Variants in NYAP2 observed in about 807,000 individuals in gnomAD.
NYAP2 encodes neuronal tyrosine-phosphorylated phosphoinositide-3-kinase adapter 2.
NYAP2 carries 23 observed loss-of-function variants against 50.4 expected under a neutral mutation model. The ratio of observed to expected loss-of-function variants is 0.46; its 90% CI spans 0.33 to 0.65. The LOEUF (loss-of-function observed/expected upper bound fraction) is 0.65. Among genes scored for constraint, NYAP2 ranks in the 30% least tolerant of loss-of-function variants. The probability of loss-of-function intolerance (pLI) is 0.02; values close to 1 mark genes in which losing one functional copy is unlikely to be tolerated. For missense variants in NYAP2, 885 were observed against 861.0 expected (o/e 1.03, Z -0.35); for synonymous variants, 394 against 365.2 (o/e 1.08, Z -0.90).
chr2:225,637,383 C>T (rs535711544), intron 6 of NYAP2, among the ~76,000 whole-genome samples: 7 of 152,144 alleles, frequency 4.6e-5, no homozygotes, highest in Non-Finnish European at 8.8e-5. Context: ...TGCTTGGCTC[C>T]ACTTCAGCAC....
chr2:225,600,354 C>G (rs1325655837), intron 5 of NYAP2, among the ~76,000 whole-genome samples: 1 of 151,996 alleles, frequency 6.6e-6, no homozygotes, highest in Non-Finnish European at 1.5e-5. Flanking sequence ...TGATGTTATC[C>G]CCAAGAGCAA....
At chr2:225,671,135 C>T in the NYAP2 span, among the ~76,000 whole-genome samples, 1 of 152,004 alleles carries the variant, frequency 6.6e-6, no homozygotes, top group African/African-American at 2.4e-5. Context: ...TTAACTCTTC[C>T]TTTTACAAAA....
chr2:225,477,250 T>TC (rs1472213128), intron 3 of NYAP2, among the ~76,000 whole-genome samples: 2 of 146,674 alleles, frequency 1.4e-5, no homozygotes, highest in Non-Finnish European at 3.0e-5. Context: ...TTTTTTTTTT[T>TC]TTTTGAGACG....
At chr2:225,492,976 T>C (rs721860) in intron 3 of NYAP2, among the ~76,000 whole-genome samples, 33,704 of 151,702 alleles carry the variant, frequency 0.22, 5,148 homozygotes, top group African/African-American at 0.44. Flanking sequence ...GCTGACATAA[T>C]ATCTTTTATA....
chr2:225,625,635 G>C (rs1340009663), intron 5 of NYAP2, among the ~76,000 whole-genome samples: 1 of 152,120 alleles, frequency 6.6e-6, no homozygotes, highest in Non-Finnish European at 1.5e-5. Context: ...GTTTTTATTG[G>C]GGGAGGAGTA....
chr2:225,522,990 A>G (rs1691092941), intron 4 of NYAP2, among the ~76,000 whole-genome samples: 1 of 152,184 alleles, frequency 6.6e-6, no homozygotes, highest in Non-Finnish European at 1.5e-5. Flanking sequence ...GTAAAATTTT[A>G]GAAACAACCT....
intron 4 of NYAP2, among the ~76,000 whole-genome samples, chr2:225,536,767 T>A (rs1352808747): frequency 6.6e-6 from 1 of 151,674 alleles, no homozygotes; most frequent in Admixed American, 6.6e-5. Flanking sequence ...TTATTCATTC[T>A]TTCTTTCTTT....
At chr2:225,639,643 G>C (rs986935985) in intron 6 of NYAP2, among the ~76,000 whole-genome samples, 1 of 152,024 alleles carries the variant, frequency 6.6e-6, no homozygotes, top group African/African-American at 2.4e-5. Context: ...CCACCTCTGT[G>C]CTCCCAGGTT....
At chr2:225,650,716 A>G (rs1240392845) in intron 6 of NYAP2, among the ~76,000 whole-genome samples, 3 of 152,190 alleles carry the variant, frequency 2.0e-5, no homozygotes, top group Non-Finnish European at 4.4e-5. Context: ...TCCTTTGTCA[A>G]ATATCTTCAA....
chr2:225,446,246 C>CTCTCTCTCTATATATATATA (rs1239402824), intron 3 of NYAP2, among the ~76,000 whole-genome samples: 1 of 82,270 alleles, frequency 1.2e-5, no homozygotes, highest in African/African-American at 5.9e-5. Flanking sequence ...CTCTCTCTCT[C>CTCTCTCTCTATATATATATA]TATATATATA....
At chr2:225,657,699 C>A (rs1452962459), downstream of NYAP2, among the ~76,000 whole-genome samples, 1 of 152,024 alleles carries the variant, frequency 6.6e-6, no homozygotes, top group Non-Finnish European at 1.5e-5. Flanking sequence ...AATTCTCAGG[C>A]CACTATGAGC....
chr2:225,500,082 A>C (rs1005111066), intron 3 of NYAP2, among the ~76,000 whole-genome samples: 1 of 152,240 alleles, frequency 6.6e-6, no homozygotes, highest in Non-Finnish European at 1.5e-5. Flanking sequence ...AGAGGAAAAA[A>C]TATAGTTAAT....
chr2:225,596,913 G>A (rs978581590), intron 5 of NYAP2, among the ~76,000 whole-genome samples: 2 of 152,122 alleles, frequency 1.3e-5, no homozygotes, highest in Admixed American at 6.5e-5. Context: ...CAGTCCATTT[G>A]CAGGTTAATT....
chr2:225,589,741 A>C (rs1692462723), intron 5 of NYAP2, among the ~76,000 whole-genome samples: 1 of 152,006 alleles, frequency 6.6e-6, no homozygotes, highest in Non-Finnish European at 1.5e-5. Flanking sequence ...AAAACTTTGC[A>C]GGTGAAATAG....
At chr2:225,671,236 C>T in the NYAP2 span, among the ~76,000 whole-genome samples, 1 of 152,074 alleles carries the variant, frequency 6.6e-6, no homozygotes, top group African/African-American at 2.4e-5. Flanking sequence ...AACATTTTCC[C>T]CACAGTAGAA....
chr2:225,644,270 C>T (rs1416862850), intron 6 of NYAP2, among the ~76,000 whole-genome samples: 27 of 151,988 alleles, frequency 1.8e-4, no homozygotes, highest in Middle Eastern at 3.4e-3. Context: ...TGTCCTTCAC[C>T]CACTTTTTGA....
chr2:225,578,020 C>G (rs1425262441), intron 4 of NYAP2, among the ~76,000 whole-genome samples: 1 of 152,024 alleles, frequency 6.6e-6, no homozygotes, highest in Non-Finnish European at 1.5e-5. Flanking sequence ...CAACTTCTGC[C>G]TCCTGGGTTC....
At chr2:225,412,530 A>C (rs6735327) in intron 3 of NYAP2, among the ~76,000 whole-genome samples, 21,686 of 151,832 alleles carry the variant, frequency 0.14, 2,449 homozygotes, top group African/African-American at 0.32. Flanking sequence ...GAAAGACTAA[A>C]AACTGGCATG....
intron 6 of NYAP2, among the ~76,000 whole-genome samples, chr2:225,649,360 C>T (rs1316189764): frequency 6.6e-6 from 1 of 152,142 alleles, no homozygotes; most frequent in Non-Finnish European, 1.5e-5. Flanking sequence ...GGATACTTCC[C>T]ACTTCAGATT....
Sources: allele counts gnomAD v4.1 joint callset (sites outside exome capture counted in the v4.1 genomes callset), GRCh38; gene constraint gnomAD v4.1.1; transcripts MANE v1.5; gene names NCBI Gene and HGNC (gene_info 2026-07-23, HGNC 2026-07-21).